Variants in FAM177A1 observed in about 807,000 individuals in gnomAD.
FAM177A1 encodes family with sequence similarity 177 member A1.
Under a neutral mutation model 26.1 loss-of-function variants are expected in FAM177A1, and 22 were observed. That is an observed-to-expected ratio of 0.84 (90% CI 0.60 to 1.20). FAM177A1 has a LOEUF of 1.20. Among genes scored for constraint, FAM177A1 ranks in the 50% most tolerant of loss-of-function variants. The pLI, the probability that FAM177A1 is intolerant of heterozygous loss-of-function variation, is 0.00. For missense variants in FAM177A1, 296 were observed against 291.1 expected, an observed-to-expected ratio of 1.02 and a Z score of -0.12; for synonymous variants, 95 against 99.3, an observed-to-expected ratio of 0.96 and a Z score of 0.26.
chr14:35,049,039 C>T (rs1014440007), intron 1 of FAM177A1, among the ~76,000 whole-genome samples: 2 of 152,046 alleles, frequency 1.3e-5, no homozygotes, highest in South Asian at 2.1e-4. Flanking sequence ...TACAGGCGCA[C>T]GCAACCACAT....
In FAM177A1 at chr14:35,081,773, CTG is replaced by C. The variant is rs2045488017; in HGVS notation, c.*547_*548del. Reference sequence around the variant, plus strand: ...GAGAATAACTGTTTTATGTAAGAATCTGTATTTATAACACCAGATATTAAGAT... The same window carrying C: ...GAGAATAACTGTTTTATGTAAGAATCTATTTATAACACCAGATATTAAGAT... On this transcript the variant is annotated 3_prime_UTR_variant, in exon 5 of 5. Coordinates refer to ENST00000280987, the MANE Select transcript of FAM177A1 (RefSeq NM_173607.5). 1.3e-5 allele frequency: 2 copies of C among 152,188 alleles called. No individual in the cohort carries two copies. The highest frequency in any genetic ancestry group is 4.8e-5 in the African/African-American group (2 of 41,438). 9.4% of individuals were successfully genotyped at this position (152,188 alleles called of 1,614,324 possible). A position where few individuals can be genotyped will look rare whatever the true frequency, so the allele number is the denominator to read the frequency against.
intron 2 of FAM177A1, among the ~76,000 whole-genome samples, chr14:35,076,393 G>A (rs1452921936): frequency 6.6e-6 from 1 of 151,796 alleles, no homozygotes; most frequent in Non-Finnish European, 1.5e-5. Context: ...ATTGAACAAT[G>A]AGAACACTTG....
intron 1 of FAM177A1, among the ~76,000 whole-genome samples, chr14:35,047,238 A>G (rs1298804733): frequency 6.6e-6 from 1 of 152,268 alleles, no homozygotes; most frequent in Non-Finnish European, 1.5e-5. Context: ...TTTTAATAGC[A>G]TATCTTATTT....
At chr14:35,066,652 G>C (rs7156704) in intron 2 of FAM177A1, among the ~76,000 whole-genome samples, 1 of 150,286 alleles carries the variant, frequency 6.7e-6, no homozygotes, top group African/African-American at 2.4e-5. Flanking sequence ...TGATCTGCCC[G>C]CCTCAGCCTC....
At position 35,078,964 on chromosome 14, in the gene FAM177A1, G is replaced by A. The variant is rs2045437999; in HGVS notation, c.444G>A (p.Leu148=). ...DFLGEKIASV[L]GISTPKYQYA... ...TTGGAGAGAAGATTGCATCTGTTTT[G>A]GGTATCAGCACCCCAAAGTACCAAT... is the stretch of plus-strand genomic sequence containing the variant. The change falls in exon 4 of 5, where the codon TTG becomes TTA. Residue 148 remains leucine (L), a synonymous_variant. Transcript: ENST00000280987. 3 of 1,553,460 alleles carry A rather than the reference G, an allele frequency of 1.9e-6. No homozygotes were observed. Among genetic ancestry groups the A allele is most frequent in the South Asian group, 2.5e-5 (2 of 79,714 alleles).
intron 4 of FAM177A1, 50 bp from the exon 5 acceptor site, chr14:35,080,972 T>C: frequency 6.5e-7 from 1 of 1,529,930 alleles, no homozygotes. Flanking sequence ...ACTATATACC[T>C]TTTGGACTTT....
chr14:35,064,179 G>A (rs957317448), intron 2 of FAM177A1, among the ~76,000 whole-genome samples: 1 of 151,842 alleles, frequency 6.6e-6, no homozygotes, highest in African/African-American at 2.4e-5. Context: ...CTGAGGTCAG[G>A]AGTTTGAGAC....
In FAM177A1 at chr14:35,053,289, A is replaced by C. The variant is rs1308909946; in HGVS notation, c.177A>C (p.Glu59Asp). 1.9e-6 allele frequency: 3 copies of C among 1,610,604 alleles called. No homozygotes were observed. The East Asian group carries it at 6.7e-5, about 36-fold the overall frequency. Residue 59 changes from glutamate (E) to aspartate (D), a missense_variant, in exon 2 of 5, where the codon GAA becomes GAC. Physicochemically the swap from Glu to Asp is conservative, Grantham distance 45 (BLOSUM62 2). Coordinates refer to ENST00000280987, the MANE Select transcript of FAM177A1 (RefSeq NM_173607.5). ...FGESAGQMSN[E>D]RGFENVELGV... ...TATCGTTGATATAGATGAGTAACGA[A>C]AGAGGCTTTGAAAATGTAGAACTGG...
At chr14:35,068,882 C>G (rs537879721) in intron 2 of FAM177A1, among the ~76,000 whole-genome samples, 2 of 152,272 alleles carry the variant, frequency 1.3e-5, no homozygotes, top group Admixed American at 6.5e-5. Flanking sequence ...GAGAGAGAGA[C>G]AGAGAGAGAA....
intron 2 of FAM177A1, among the ~76,000 whole-genome samples, chr14:35,059,807 A>C (rs1052662498): frequency 5.3e-5 from 8 of 152,028 alleles, no homozygotes; most frequent in Non-Finnish European, 1.2e-4. Flanking sequence ...TCAGTCTCCC[A>C]AAGTGCTGGG....
At position 35,079,040 on chromosome 14, in the gene FAM177A1, A is replaced by C. The variant is rs199772768; in HGVS notation, c.504+16A>C. The C allele has an allele frequency of 1.1e-5, 17 of 1,545,632 alleles. No homozygotes were observed. Among genetic ancestry groups the C allele is most frequent in the Middle Eastern group, 3.4e-4 (2 of 5,910 alleles). On this transcript the variant is annotated intron_variant, in intron 4 of 4. Coordinates refer to ENST00000280987, the MANE Select transcript of FAM177A1 (RefSeq NM_173607.5). ...GAAGAAGGAGGTATGCCTCCTTTTT[A>C]CATTTTCTTGATTCAGTTTGGTTTG... is the stretch of plus-strand genomic sequence containing the variant.
intron 1 of FAM177A1, 132 bp downstream of exon 1, chr14:35,046,760 A>C (rs2044873417): frequency 7.2e-7 from 1 of 1,395,214 alleles, no homozygotes; most frequent in Non-Finnish European, 9.3e-7. Context: ...TCCTCACTGC[A>C]CCCCTGTTTC....
chr14:35,058,561 T>C (rs1332613915), intron 2 of FAM177A1, among the ~76,000 whole-genome samples: 1 of 152,178 alleles, frequency 6.6e-6, no homozygotes, highest in Non-Finnish European at 1.5e-5. Context: ...TCTTTACCTC[T>C]AGTTACGTTT....
rs768447281 is a variant in FAM177A1 at position 35,046,422 on chromosome 14, C to G, written c.-42C>G. 1.3e-6 allele frequency: 2 copies of G among 1,489,624 alleles called. No homozygotes were observed. Among genetic ancestry groups the G allele is most frequent in the Non-Finnish European group, 1.8e-6 (2 of 1,114,308 alleles). 92.3% of individuals were successfully genotyped at this position (1,489,624 alleles called of 1,614,324 possible). A position where few individuals can be genotyped will look rare whatever the true frequency, so the allele number is the denominator to read the frequency against. ...CGCTGGGCGGGTGAGTCCCACTTCC[C>G]GACAGCCTGGCTCGGCCAGCGACTG... On this transcript the variant is annotated 5_prime_UTR_variant, in exon 1 of 5. Coordinates refer to ENST00000280987, the MANE Select transcript of FAM177A1 (RefSeq NM_173607.5).
At chr14:35,048,752 G>A (rs1321108435) in intron 1 of FAM177A1, among the ~76,000 whole-genome samples, 1 of 151,928 alleles carries the variant, frequency 6.6e-6, no homozygotes, top group Non-Finnish European at 1.5e-5. Flanking sequence ...GAGATGGAGA[G>A]GCCTCTATCT....
chr14:35,049,628 T>C (rs954157687), intron 1 of FAM177A1, among the ~76,000 whole-genome samples: 5 of 151,956 alleles, frequency 3.3e-5, no homozygotes, highest in Non-Finnish European at 5.9e-5. Flanking sequence ...CTACTAAAAA[T>C]AGAAAAATTA....
At position 35,083,341 on chromosome 14, in the gene FAM177A1, CTTTG is replaced by C. The variant is rs1188893226; in HGVS notation, c.*2117_*2120del. On this transcript the variant is annotated 3_prime_UTR_variant, in exon 5 of 5. Coordinates refer to ENST00000280987, the MANE Select transcript of FAM177A1 (RefSeq NM_173607.5). ...TTATTCACTGTGCCTTAAGTTTATA[CTTTG>C]TTTATGCAAACTATAAAATTTCCCA... is the stretch of plus-strand genomic sequence containing the variant. The C allele has an allele frequency of 2.6e-5, 4 of 152,590 alleles. No individual in the cohort carries two copies. Among genetic ancestry groups the C allele is most frequent in the Non-Finnish European group, 5.9e-5 (4 of 68,022 alleles). 9.5% of individuals were successfully genotyped at this position (152,590 alleles called of 1,614,324 possible).
At chr14:35,067,806 G>A (rs1308929231) in intron 2 of FAM177A1, among the ~76,000 whole-genome samples, 1 of 152,032 alleles carries the variant, frequency 6.6e-6, no homozygotes, top group Non-Finnish European at 1.5e-5. Flanking sequence ...TCATATATCT[G>A]TTGACTATTC....
rs945529485 is a variant in FAM177A1, at chr14:35,082,144, T to C, written c.*916T>C. ...GAAGACTGGACAGTTTACTTGAATC[T>C]GGTTGGCCACTCCTCTACCTACTTG... On this transcript the variant is annotated 3_prime_UTR_variant, in exon 5 of 5. Transcript: ENST00000280987. 2.6e-5 allele frequency: 4 copies of C among 152,232 alleles called. No individual in the cohort carries two copies. The highest frequency in any genetic ancestry group is 5.9e-5 in the Non-Finnish European group (4 of 68,046). 9.4% of individuals were successfully genotyped at this position (152,232 alleles called of 1,614,324 possible).
Sources: gnomAD v4.1 joint callset for allele counts (sites outside exome capture counted in the v4.1 genomes callset) on GRCh38, gnomAD v4.1.1 for gene constraint, MANE v1.5 for transcripts, NCBI Gene and HGNC (gene_info 2026-07-23, HGNC 2026-07-21) for gene names.